Variants in RCAN2 observed in about 807,000 individuals in gnomAD.
The protein encoded by RCAN2 is calcipressin-2.
A neutral mutation model predicts 23.6 loss-of-function variants in RCAN2; 9 were observed. That is an observed-to-expected ratio of 0.38 (90% CI 0.23 to 0.67). The LOEUF (loss-of-function observed/expected upper bound fraction) is 0.67, where lower values mean the gene tolerates loss of function less well. Among genes scored for constraint, RCAN2 ranks in the 30% least tolerant of loss-of-function variants. The pLI is 0.51. For synonymous variants in RCAN2, 109 were observed against 115.7 expected (o/e 0.94, Z 0.37); for missense variants, 273 against 302.3 (o/e 0.90, Z 0.72).
At chr6:46,440,628 G>A (rs1527706) in intron 2 of RCAN2, among the ~76,000 whole-genome samples, 71,780 of 151,646 alleles carry the variant, frequency 0.47, 17,222 homozygotes, top group East Asian at 0.61. Flanking sequence ...AATTAGGTTA[G>A]TATATAAGAA....
intron 2 of RCAN2, among the ~76,000 whole-genome samples, chr6:46,337,172 T>A (rs547119860): frequency 4.6e-5 from 7 of 151,718 alleles, no homozygotes; most frequent in East Asian, 1.9e-4. Context: ...GCAAAAAAAA[T>A]TAAAAAAAGA....
intron 2 of RCAN2, among the ~76,000 whole-genome samples, chr6:46,376,625 A>G (rs1765467097): frequency 6.6e-6 from 1 of 152,110 alleles, no homozygotes; most frequent in African/African-American, 2.4e-5. Context: ...GGTTGCAGTG[A>G]GCCGAGGAGA....
At chr6:46,414,353 G>A (rs1404483649) in intron 2 of RCAN2, among the ~76,000 whole-genome samples, 1 of 152,188 alleles carries the variant, frequency 6.6e-6, no homozygotes, top group African/African-American at 2.4e-5. Flanking sequence ...ATGGCTATGG[G>A]AGTGCAAAGG....
chr6:46,428,598 A>C (rs1488531634), intron 2 of RCAN2, among the ~76,000 whole-genome samples: 1 of 152,214 alleles, frequency 6.6e-6, no homozygotes, highest in African/African-American at 2.4e-5. Flanking sequence ...GAAAGTAATC[A>C]TCATGCTTTG....
At chr6:46,390,587 A>G (rs1765905028) in intron 2 of RCAN2, among the ~76,000 whole-genome samples, 1 of 152,236 alleles carries the variant, frequency 6.6e-6, no homozygotes, top group Non-Finnish European at 1.5e-5. Context: ...AAAATCGATC[A>G]GTAAATAAAT....
At chr6:46,404,178 C>T (rs747816859) in intron 2 of RCAN2, among the ~76,000 whole-genome samples, 13 of 151,698 alleles carry the variant, frequency 8.6e-5, no homozygotes, top group Admixed American at 2.0e-4. Context: ...GCTGAGACTG[C>T]ACCATTGCAC....
In RCAN2 at chr6:46,248,188, G is replaced by T. The variant is rs563242044; in HGVS notation, c.399+535C>A. On this transcript the variant is annotated intron_variant, in intron 3 of 4. Transcript: ENST00000371374. ...GCCAAGAATTACTCATTTCATTTTG[G>T]AAGAGCTAGAATTGATTTTTGGATG... is the stretch of plus-strand genomic sequence containing the variant. 4.6e-5 allele frequency among the ~76,000 whole-genome samples: 7 copies of T among 152,276 alleles called. No individual in the cohort carries two copies. The South Asian group carries it at 1.5e-3, about 32-fold the overall frequency.
At chr6:46,310,787 T>A (rs1001411065) in intron 2 of RCAN2, among the ~76,000 whole-genome samples, 1 of 152,228 alleles carries the variant, frequency 6.6e-6, no homozygotes, top group African/African-American at 2.4e-5. Flanking sequence ...TGGATTTTTC[T>A]TTTATTCCTT....
intron 2 of RCAN2, among the ~76,000 whole-genome samples, chr6:46,437,099 C>T (rs2150420073): frequency 6.6e-6 from 1 of 152,270 alleles, no homozygotes; most frequent in Non-Finnish European, 1.5e-5. Context: ...TACTCAGAAG[C>T]CATTAGTACT....
intron 2 of RCAN2, among the ~76,000 whole-genome samples, chr6:46,438,050 A>T (rs1388308052): frequency 6.6e-6 from 1 of 152,188 alleles, no homozygotes. Context: ...TTGGAGAAGC[A>T]GCCCTGGCCA....
chr6:46,377,594 G>A (rs1043225427), intron 2 of RCAN2, among the ~76,000 whole-genome samples: 5 of 152,210 alleles, frequency 3.3e-5, no homozygotes, highest in African/African-American at 9.6e-5. Flanking sequence ...GAGATTGCCT[G>A]TTGAGGTCAC....
chr6:46,337,773 T>C lies in RCAN2; in HGVS notation c.226-88877A>G, dbSNP rs78715033. Among the ~76,000 whole-genome samples, 977 of 152,318 alleles carry C rather than the reference T, an allele frequency of 6.4e-3. 17 individuals are homozygous for C. The highest frequency in any genetic ancestry group is 0.022 in the African/African-American group (927 of 41,562). On this transcript the variant is annotated intron_variant, in intron 2 of 4. Coordinates refer to ENST00000371374, the MANE Select transcript of RCAN2 (RefSeq NM_001251974.2). ...TAGCTCCGTCTTCTGAAGGTCAGTG[T>C]CATTCTAAAGCTGATTCCCAGGACA...
At chr6:46,423,277 G>T (rs2150413226) in intron 2 of RCAN2, among the ~76,000 whole-genome samples, 1 of 152,280 alleles carries the variant, frequency 6.6e-6, no homozygotes, top group East Asian at 1.9e-4. Flanking sequence ...CAAGTGGCTT[G>T]TCTAAGATCA....
chr6:46,341,086 C>A (rs913236656), intron 2 of RCAN2, among the ~76,000 whole-genome samples: 7 of 152,054 alleles, frequency 4.6e-5, no homozygotes, highest in Non-Finnish European at 8.8e-5. Context: ...TTTAAAAAAT[C>A]TTAATTAGTA....
intron 2 of RCAN2, among the ~76,000 whole-genome samples, chr6:46,417,187 C>T (rs1181505878): frequency 6.6e-6 from 1 of 152,122 alleles, no homozygotes; most frequent in Non-Finnish European, 1.5e-5. Flanking sequence ...ATGACTCTTG[C>T]TGTATTGTCC....
intron 2 of RCAN2, among the ~76,000 whole-genome samples, chr6:46,269,404 T>A (rs1368239975): frequency 6.6e-6 from 1 of 152,242 alleles, no homozygotes; most frequent in African/African-American, 2.4e-5. Flanking sequence ...TGTGTTCTTG[T>A]GTTACAGCTG....
intron 2 of RCAN2, among the ~76,000 whole-genome samples, chr6:46,311,248 C>T (rs906350946): frequency 6.6e-6 from 1 of 152,160 alleles, no homozygotes; most frequent in Non-Finnish European, 1.5e-5. Context: ...TGGTTCAGCC[C>T]TCCTTCTGTC....
chr6:46,389,210 G>A (rs1486687343), intron 2 of RCAN2, among the ~76,000 whole-genome samples: 1 of 152,168 alleles, frequency 6.6e-6, no homozygotes, highest in African/African-American at 2.4e-5. Context: ...GGCAAGCAAA[G>A]TTTGATGCAA....
chr6:46,434,137 T>C (rs138085164), intron 2 of RCAN2, among the ~76,000 whole-genome samples: 2 of 152,344 alleles, frequency 1.3e-5, no homozygotes, highest in Non-Finnish European at 2.9e-5. Context: ...TTTCTTTAGG[T>C]TCCATTCACA....
Sources: allele counts gnomAD v4.1 joint callset (sites outside exome capture counted in the v4.1 genomes callset), GRCh38; gene constraint gnomAD v4.1.1; transcripts MANE v1.5; gene names NCBI Gene and HGNC (gene_info 2026-07-23, HGNC 2026-07-21).